Variants in NEK9 observed in about 807,000 individuals in gnomAD.
NEK9 encodes the protein NIMA related kinase 9.
In NEK9, 75 loss-of-function variants were observed where a neutral mutation model predicts 123.4. The ratio of observed to expected loss-of-function variants is 0.61; its 90% CI spans 0.50 to 0.74. The LOEUF (loss-of-function observed/expected upper bound fraction) is 0.74, where lower values mean the gene tolerates loss of function less well. Ranked by LOEUF, NEK9 falls within the 30% of genes least tolerant of loss-of-function variation. The probability of loss-of-function intolerance (pLI) is 0.00; values close to 1 mark genes in which losing one functional copy is unlikely to be tolerated. For synonymous variants in NEK9, 438 were observed against 458.7 expected (o/e 0.95, Z 0.58); for missense variants, 952 against 1,214.4 (o/e 0.78, Z 3.21).
chr14:75,091,548 C>G (rs1894218509), intron 18 of NEK9, 70 bp from the exon 19 acceptor site: 1 of 1,321,702 alleles, frequency 7.6e-7, no homozygotes, highest in Non-Finnish European at 1.0e-6. Flanking sequence ...TTTGACAACC[C>G]TACTTACCCT....
At chr14:75,095,764 C>T (rs1894361896) in intron 17 of NEK9, among the ~76,000 whole-genome samples, 1 of 152,032 alleles carries the variant, frequency 6.6e-6, no homozygotes, top group Admixed American at 6.6e-5. Context: ...GTGGCACTGG[C>T]CTGTAGTCCC....
At chr14:75,106,160 C>T in intron 12 of NEK9, 164 bp from the exon 13 acceptor site, 2 of 647,124 alleles carry the variant, frequency 3.1e-6, no homozygotes, top group Non-Finnish European at 5.5e-6. Context: ...TCGAGCGAGA[C>T]AAGCCTGGCC....
chr14:75,112,285 A>C (rs1894982411), intron 8 of NEK9, among the ~76,000 whole-genome samples: 1 of 152,270 alleles, frequency 6.6e-6, no homozygotes, highest in African/African-American at 2.4e-5. Flanking sequence ...AGGCAAAAAT[A>C]GTGTAATAGG....
chr14:75,113,391 T>C lies in NEK9; in HGVS notation c.886A>G (p.Arg296Gly). Residue 296 changes from arginine (R) to glycine (G), a missense_variant, in exon 8 of 22, where the codon AGA becomes GGA. Transcript: ENST00000238616. ...TCTAGAAGTTCATCTGCAGTAGGTC[T>C]CTGCTCAGGATCCTAAAAAGTAAAA... ...HSCLDQDPEQ[R>G]PTADELLDRP... 6.2e-7 allele frequency: 1 copy of C among 1,613,256 alleles called. No individual in the cohort carries two copies. The highest frequency in any genetic ancestry group is 8.5e-7 in the Non-Finnish European group (1 of 1,179,350).
chr14:75,126,223 A>G (rs1895518743), intron 1 of NEK9, among the ~76,000 whole-genome samples: 1 of 152,192 alleles, frequency 6.6e-6, no homozygotes, highest in South Asian at 2.1e-4. Flanking sequence ...CTTAAAGATA[A>G]TGACAAAAAT....
chr14:75,126,632 G>C (rs1895536752), intron 1 of NEK9, 71 bp downstream of exon 1: 3 of 1,224,160 alleles, frequency 2.5e-6, no homozygotes, highest in South Asian at 1.8e-5. Flanking sequence ...CTGGGAAAGC[G>C]GGGCCGAGAA....
In NEK9 at chr14:75,097,048, G is replaced by A. The variant is rs1894409231; in HGVS notation, c.2173+52C>T. ...AATGTGACTAACAGTACTCAGATGT[G>A]GGTCCATCCTCTGTCAAAGCCATCC... On this transcript the variant is annotated intron_variant, in intron 17 of 21. Coordinates refer to ENST00000238616, the MANE Select transcript of NEK9 (RefSeq NM_033116.6). 2.0e-6 allele frequency: 3 copies of A among 1,510,954 alleles called. No homozygotes were observed. The South Asian group carries it at 3.8e-5, about 19-fold the overall frequency. 93.6% of individuals were successfully genotyped at this position (1,510,954 alleles called of 1,614,324 possible).
At chr14:75,120,476 G>T in intron 4 of NEK9, 34 bp downstream of exon 4, 1 of 1,493,978 alleles carries the variant, frequency 6.7e-7, no homozygotes, top group Non-Finnish European at 9.3e-7. Flanking sequence ...AATTGGTAGG[G>T]AAGAATCCAT....
intron 21 of NEK9, chr14:75,086,671 G>A (rs568696452): frequency 1.7e-5 from 4 of 236,674 alleles, no homozygotes; most frequent in African/African-American, 8.8e-5. Flanking sequence ...ACTTTGGGAG[G>A]CTGAGGCGGG....
At chr14:75,095,658 TG>T (rs34007208) in intron 17 of NEK9, among the ~76,000 whole-genome samples, 3 of 152,186 alleles carry the variant, frequency 2.0e-5, no homozygotes, top group African/African-American at 7.2e-5. Context: ...TGGAATCACC[TG>T]GGAAGTTTTA....
At chr14:75,116,698 G>A in intron 6 of NEK9, 1 of 174,464 alleles carries the variant, frequency 5.7e-6, no homozygotes, top group Non-Finnish European at 1.3e-5. Flanking sequence ...TGCGATCTTG[G>A]CTTACTGCAG....
Position 75,126,732 on chromosome 14 carries a change from C to T in NEK9, c.190G>A (p.Gly64Arg), listed in dbSNP as rs1484479258. 6.7e-7 allele frequency: 1 copy of T among 1,485,276 alleles called. No homozygotes were observed. The highest frequency in any genetic ancestry group is 8.9e-7 in the Non-Finnish European group (1 of 1,118,526). The allele number at this position is 1,485,276 out of a possible 1,614,324, so 92.0% of individuals were successfully genotyped here. A position where few individuals can be genotyped will look rare whatever the true frequency, so the allele number is the denominator to read the frequency against. ...GTGCGGCGGTACAGCGTGGCTTCCC[C>T]GAAGGCGCCGCGGCCCAGGACGCGG... ...PIRVLGRGAF[G>R]EATLYRRTED... Residue 64 changes from glycine to arginine, a missense_variant, in exon 1 of 22, where the codon GGG becomes AGG. Around this residue, in one of 4 missense-constraint regions of NEK9, gnomAD observed 120 missense variants for 97.6 expected, o/e 1.23. Transcript: ENST00000238616.
intron 21 of NEK9, chr14:75,086,703 C>A (rs532017964): frequency 3.7e-6 from 1 of 273,600 alleles, no homozygotes; most frequent in Non-Finnish European, 7.3e-6. Flanking sequence ...GTCAAGTGAT[C>A]GAGACCATCC....
At chr14:75,125,558 T>C (rs144611351) in intron 1 of NEK9, among the ~76,000 whole-genome samples, 2 of 152,362 alleles carry the variant, frequency 1.3e-5, no homozygotes, top group East Asian at 3.9e-4. Flanking sequence ...AGCAAGTCAC[T>C]TAAGTATACT....
intron 1 of NEK9, among the ~76,000 whole-genome samples, chr14:75,126,110 C>T (rs1291713741): frequency 6.6e-6 from 1 of 152,100 alleles, no homozygotes; most frequent in Non-Finnish European, 1.5e-5. Flanking sequence ...AAAGTATTTC[C>T]CATGCATAAA....
intron 21 of NEK9, 135 bp from the exon 22 acceptor site, chr14:75,084,821 T>A: frequency 9.3e-7 from 1 of 1,076,388 alleles, no homozygotes; most frequent in Non-Finnish European, 1.4e-6. Flanking sequence ...CACGATCTTG[T>A]GAGACGCTCA....
intron 18 of NEK9, among the ~76,000 whole-genome samples, chr14:75,094,328 G>T (rs1031875559): frequency 3.3e-5 from 5 of 152,118 alleles, no homozygotes; most frequent in Non-Finnish European, 7.3e-5. Context: ...TGCCCAGGCC[G>T]GATTGCAGTG....
chr14:75,109,198 G>C (rs1894879872), intron 10 of NEK9, among the ~76,000 whole-genome samples: 1 of 152,134 alleles, frequency 6.6e-6, no homozygotes, highest in African/African-American at 2.4e-5. Flanking sequence ...TGTTAAGGAA[G>C]GTGAGAGGGG....
At chr14:75,113,116 A>G (rs1340791453) in intron 8 of NEK9, among the ~76,000 whole-genome samples, 1 of 152,192 alleles carries the variant, frequency 6.6e-6, no homozygotes, top group Non-Finnish European at 1.5e-5. Flanking sequence ...TGGGGAGTGA[A>G]GGGCTCTTGG....
Sources: gnomAD v4.1 joint callset for allele counts (sites outside exome capture counted in the v4.1 genomes callset) on GRCh38, gnomAD v4.1.1 for gene constraint, gnomAD v4.1.1 regional missense constraint, MANE v1.5 for transcripts, NCBI Gene and HGNC (gene_info 2026-07-23, HGNC 2026-07-21) for gene names.